TMEM132D: variants seen among roughly 807,000 people sequenced by gnomAD.
TMEM132D encodes transmembrane protein 132D, also known as mature OL transmembrane protein.
In TMEM132D, 21 loss-of-function variants were observed where a neutral mutation model predicts 62.3. That is an observed-to-expected ratio of 0.34 (90% CI 0.24 to 0.49). The LOEUF is 0.49. Ranked by LOEUF, TMEM132D falls within the 20% of genes least tolerant of loss-of-function variation. TMEM132D has a pLI of 0.99. For synonymous variants in TMEM132D, 621 were observed against 575.6 expected, an observed-to-expected ratio of 1.08 and a Z score of -1.13; for missense variants, 1,346 against 1,402.8, an observed-to-expected ratio of 0.96 and a Z score of 0.65.
chr12:129,886,581 T>A (rs1198520065), intron 1 of TMEM132D, among the ~76,000 whole-genome samples: 1 of 152,050 alleles, frequency 6.6e-6, no homozygotes, highest in Non-Finnish European at 1.5e-5. Context: ...ACCTAACAAA[T>A]CATTAAACAA....
intron 5 of TMEM132D, among the ~76,000 whole-genome samples, chr12:129,124,171 G>A (rs1436840661): frequency 6.6e-6 from 1 of 151,936 alleles, no homozygotes; most frequent in African/African-American, 2.4e-5. Flanking sequence ...GGGCTCCGTG[G>A]CTCCCATGTG....
At chr12:129,513,848 A>ATTTATTTATTTT (rs1241155328) in intron 3 of TMEM132D, among the ~76,000 whole-genome samples, 3 of 112,718 alleles carry the variant, frequency 2.7e-5, no homozygotes, top group Non-Finnish European at 5.5e-5. Flanking sequence ...TTATTTATTT[A>ATTTATTTATTTT]TTTTTTTGAG....
intron 1 of TMEM132D, among the ~76,000 whole-genome samples, chr12:129,717,495 A>C (rs1868633352): frequency 6.7e-6 from 1 of 149,646 alleles, no homozygotes. Flanking sequence ...AAAATTAATA[A>C]AAATATTTAA....
chr12:129,135,115 G>A (rs1876520396), intron 5 of TMEM132D, among the ~76,000 whole-genome samples: 2 of 152,204 alleles, frequency 1.3e-5, no homozygotes, highest in Admixed American at 6.5e-5. Context: ...GCAGCCCTGT[G>A]GGCAGAGACA....
At chr12:129,880,623 T>G (rs1874559478) in intron 1 of TMEM132D, among the ~76,000 whole-genome samples, 1 of 152,148 alleles carries the variant, frequency 6.6e-6, no homozygotes, top group Admixed American at 6.6e-5. Context: ...TGGCAGGTGA[T>G]TACACCACAC....
At chr12:129,097,858 C>A (rs926311022) in intron 5 of TMEM132D, among the ~76,000 whole-genome samples, 6 of 152,228 alleles carry the variant, frequency 3.9e-5, no homozygotes, top group Non-Finnish European at 8.8e-5. Flanking sequence ...TGGTTCCCTT[C>A]AAGCTGAAAG....
intron 1 of TMEM132D, among the ~76,000 whole-genome samples, chr12:129,702,531 C>G (rs1447811787): frequency 1.3e-5 from 2 of 152,240 alleles, no homozygotes; most frequent in Non-Finnish European, 2.9e-5. Flanking sequence ...AGCCACAGTT[C>G]TGTGACCTCT....
At chr12:129,624,087 CTTTG>C (rs1011392420) in intron 2 of TMEM132D, among the ~76,000 whole-genome samples, 5 of 152,150 alleles carry the variant, frequency 3.3e-5, no homozygotes, top group African/African-American at 1.2e-4. Flanking sequence ...TATCCCCTGC[CTTTG>C]TTTATCTTGT....
intron 3 of TMEM132D, among the ~76,000 whole-genome samples, chr12:129,338,651 T>C (rs1869368715): frequency 6.6e-6 from 1 of 152,136 alleles, no homozygotes; most frequent in East Asian, 1.9e-4. Flanking sequence ...AGGAATCCGC[T>C]GAGAGAGGTA....
chr12:129,640,191 T>C (rs1191067847), intron 2 of TMEM132D, among the ~76,000 whole-genome samples: 1 of 152,202 alleles, frequency 6.6e-6, no homozygotes, highest in East Asian at 1.9e-4. Flanking sequence ...GCACCCTTTT[T>C]CTGGAAAGAG....
intron 2 of TMEM132D, among the ~76,000 whole-genome samples, chr12:129,614,714 C>T (rs796574959): frequency 1.3e-5 from 2 of 152,206 alleles, no homozygotes; most frequent in African/African-American, 2.4e-5. Context: ...AAAACGAAGA[C>T]CCACACACAC....
At chr12:129,442,954 T>C (rs545853577) in intron 3 of TMEM132D, among the ~76,000 whole-genome samples, 22 of 152,210 alleles carry the variant, frequency 1.4e-4, no homozygotes, top group African/African-American at 4.6e-4. Context: ...GAAGACAGCA[T>C]ACCTCGCCCA....
In TMEM132D at chr12:129,861,757, G is replaced by GAAA. The variant is rs11405892; in HGVS notation, c.79+41501_79+41503dup. Among the ~76,000 whole-genome samples, 134 of 132,744 alleles carry GAAA rather than the reference G, an allele frequency of 1.0e-3. 3 individuals are homozygous for GAAA. Among genetic ancestry groups the GAAA allele is most frequent in the African/African-American group, 2.3e-3 (80 of 35,338 alleles). 87.1% of individuals were successfully genotyped at this position (132,744 alleles called of 152,430 possible). On this transcript the variant is annotated intron_variant, in intron 1 of 8. Transcript: ENST00000422113. Reference sequence around the variant, plus strand: ...CAACAGAGAGAGACTCTGTCTCAAAGAAAAAAAAAAAAAAAAGGATTACCA... The same window carrying GAAA: ...CAACAGAGAGAGACTCTGTCTCAAAGAAAAAAAAAAAAAAAAAAAGGATTACCA...
intron 1 of TMEM132D, among the ~76,000 whole-genome samples, chr12:129,813,716 C>T (rs1462243490): frequency 3.3e-5 from 5 of 150,860 alleles, no homozygotes; most frequent in Non-Finnish European, 5.9e-5. Flanking sequence ...AAATTAAGCC[C>T]CAAGCAAAAT....
intron 1 of TMEM132D, among the ~76,000 whole-genome samples, chr12:129,711,684 G>T (rs1303862818): frequency 2.8e-5 from 4 of 140,956 alleles, no homozygotes; most frequent in Non-Finnish European, 6.0e-5. Flanking sequence ...CCGAGATCGC[G>T]CCATTGCACT....
chr12:129,816,523 G>A (rs1042072953), intron 1 of TMEM132D, among the ~76,000 whole-genome samples: 2 of 152,060 alleles, frequency 1.3e-5, no homozygotes, highest in Non-Finnish European at 2.9e-5. Context: ...TTCATAACAG[G>A]AAAACAGGAG....
chr12:129,660,539 C>A (rs192816334), intron 2 of TMEM132D, among the ~76,000 whole-genome samples: 185 of 152,242 alleles, frequency 1.2e-3, no homozygotes, highest in African/African-American at 4.2e-3. Flanking sequence ...CCCCTTTATG[C>A]GCAGTCTGTC....
chr12:129,513,691 C>T (rs1320197969), intron 3 of TMEM132D, among the ~76,000 whole-genome samples: 12 of 151,218 alleles, frequency 7.9e-5, no homozygotes, highest in Non-Finnish European at 8.8e-5. Context: ...TTCACCGTGT[C>T]AGCCAGGATG....
intron 5 of TMEM132D, among the ~76,000 whole-genome samples, chr12:129,124,511 T>C (rs895599304): frequency 6.6e-6 from 1 of 152,182 alleles, no homozygotes; most frequent in Non-Finnish European, 1.5e-5. Context: ...TTATTTTGGT[T>C]CCTCTCACCA....
Sources: gnomAD v4.1 joint callset for allele counts (sites outside exome capture counted in the v4.1 genomes callset) on GRCh38, gnomAD v4.1.1 for gene constraint, MANE v1.5 for transcripts, NCBI Gene and HGNC (gene_info 2026-07-23, HGNC 2026-07-21) for gene names.